DPP6: variants seen among roughly 807,000 people sequenced by gnomAD.
The protein encoded by DPP6 is A-type potassium channel modulatory protein DPP6.
A neutral mutation model predicts 122.6 loss-of-function variants in DPP6; 69 were observed. The ratio of observed to expected loss-of-function variants is 0.56; its 90% CI spans 0.46 to 0.69. The LOEUF (loss-of-function observed/expected upper bound fraction) is 0.69, where lower values mean the gene tolerates loss of function less well. Ranked by LOEUF, DPP6 falls within the 30% of genes least tolerant of loss-of-function variation. The pLI is 0.00. For synonymous variants in DPP6, 418 were observed against 433.1 expected, an observed-to-expected ratio of 0.97 and a Z score of 0.43; for missense variants, 928 against 1,116.9, an observed-to-expected ratio of 0.83 and a Z score of 2.41.
At chr7:153,837,384 GTTCTTGC>G in the DPP6 span, among the ~76,000 whole-genome samples, 1 of 152,178 alleles carries the variant, frequency 6.6e-6, no homozygotes, top group African/African-American at 2.4e-5. Flanking sequence ...CAAGGCAGAT[GTTCTTGC>G]CTCAAGCTTT....
intron 17 of DPP6, among the ~76,000 whole-genome samples, chr7:154,861,393 T>C (rs1033148831): frequency 6.6e-6 from 1 of 152,242 alleles, no homozygotes; most frequent in Non-Finnish European, 1.5e-5. Flanking sequence ...ATCTAAGTAT[T>C]GTGGCAATTT....
At chr7:154,634,620 TCTCCTC>T (rs890706036) in intron 5 of DPP6, among the ~76,000 whole-genome samples, 1 of 150,342 alleles carries the variant, frequency 6.7e-6, no homozygotes, top group Non-Finnish European at 1.5e-5. Context: ...AAAGCAGTTC[TCTCCTC>T]CTCCTCCTCC....
At chr7:154,242,005 T>C (rs771875494) in intron 1 of DPP6, among the ~76,000 whole-genome samples, 7 of 152,226 alleles carry the variant, frequency 4.6e-5, no homozygotes, top group Admixed American at 2.0e-4. Flanking sequence ...GGCAGTGTAA[T>C]AGAACACAGG....
intron 7 of DPP6, among the ~76,000 whole-genome samples, chr7:154,678,084 G>A (rs771336676): frequency 1.3e-5 from 2 of 152,050 alleles, no homozygotes; most frequent in African/African-American, 4.8e-5. Context: ...CTGTAAATAC[G>A]CACCAATCAG....
At chr7:154,137,467 G>A (rs2150651301) in intron 1 of DPP6, among the ~76,000 whole-genome samples, 1 of 151,618 alleles carries the variant, frequency 6.6e-6, no homozygotes, top group Non-Finnish European at 1.5e-5. Context: ...CCATGTATGG[G>A]GTTGAAAAAT....
intron 6 of DPP6, among the ~76,000 whole-genome samples, chr7:154,667,438 C>T (rs1024569453): frequency 1.3e-4 from 20 of 152,148 alleles, no homozygotes; most frequent in African/African-American, 4.8e-4. Flanking sequence ...TCATAACATA[C>T]AAATGTTGGC....
At chr7:154,002,233 A>T (rs902281515) in intron 1 of DPP6, among the ~76,000 whole-genome samples, 1 of 151,918 alleles carries the variant, frequency 6.6e-6, no homozygotes, top group Non-Finnish European at 1.5e-5. Context: ...GTATTTTTGT[A>T]TCCTACGGAC....
intron 1 of DPP6, among the ~76,000 whole-genome samples, chr7:154,226,277 A>G (rs1800595836): frequency 1.3e-5 from 2 of 151,962 alleles, no homozygotes; most frequent in Admixed American, 6.5e-5. Flanking sequence ...CAATGAAACT[A>G]GAAACCATTT....
In DPP6 at chr7:154,255,427, A is replaced by G. The variant is rs1453417788; in HGVS notation, c.244-190787A>G. ...CAGTGTGGAGAGGAAGCGCCAGTGA[A>G]ATGTGAAATTTGGAGAGGCTGAGCC... On this transcript the variant is annotated intron_variant, in intron 1 of 25. Transcript: ENST00000377770. Among the ~76,000 whole-genome samples the G allele has an allele frequency of 2.0e-5, 3 of 152,214 alleles. No homozygotes were observed. In the East Asian group the frequency reaches 5.8e-4, roughly 29 times the overall value.
chr7:153,794,564 C>CT, the DPP6 span, among the ~76,000 whole-genome samples: 1 of 152,086 alleles, frequency 6.6e-6, no homozygotes, highest in Admixed American at 6.5e-5. Flanking sequence ...TCAGATGAGA[C>CT]TTTGGACTGT....
chr7:154,569,652 A>C (rs1234140920), intron 5 of DPP6, among the ~76,000 whole-genome samples: 2 of 151,938 alleles, frequency 1.3e-5, no homozygotes, highest in African/African-American at 4.8e-5. Flanking sequence ...CCAACTGTCC[A>C]ATTACTAGAT....
rs564876630 is a variant in DPP6, at chr7:154,393,013, C to A, written c.244-53201C>A. On this transcript the variant is annotated intron_variant, in intron 1 of 25. Transcript: ENST00000377770. ...AGAAGAAAATACATCTAGATTTAAA[C>A]CCTGGAATTAGACTGGCTTGATGCT... 5.3e-5 allele frequency among the ~76,000 whole-genome samples: 8 copies of A among 152,318 alleles called. No individual in the cohort carries two copies. The South Asian group carries it at 1.7e-3, about 32-fold the overall frequency.
intron 7 of DPP6, among the ~76,000 whole-genome samples, chr7:154,713,710 A>G (rs887069322): frequency 1.3e-5 from 2 of 152,216 alleles, no homozygotes; most frequent in Non-Finnish European, 2.9e-5. Flanking sequence ...GGTCCAGGCC[A>G]GGAAAACTAT....
chr7:154,158,776 C>A (rs1395498133), intron 1 of DPP6, among the ~76,000 whole-genome samples: 1 of 151,948 alleles, frequency 6.6e-6, no homozygotes, highest in Admixed American at 6.6e-5. Context: ...TGAGGACTCT[C>A]CTATTTGATG....
intron 4 of DPP6, among the ~76,000 whole-genome samples, chr7:154,558,564 C>A (rs889800920): frequency 3.9e-5 from 6 of 152,112 alleles, no homozygotes; most frequent in Admixed American, 6.5e-5. Context: ...TTTATTGTAT[C>A]TTTTTTATGT....
At chr7:154,738,636 T>G (rs1429010379) in intron 8 of DPP6, among the ~76,000 whole-genome samples, 1 of 152,224 alleles carries the variant, frequency 6.6e-6, no homozygotes, top group Non-Finnish European at 1.5e-5. Flanking sequence ...ATTCTGCTTT[T>G]GGAATATTTA....
chr7:154,471,219 C>G (rs981398602), intron 2 of DPP6, among the ~76,000 whole-genome samples: 11 of 152,144 alleles, frequency 7.2e-5, no homozygotes, highest in African/African-American at 2.4e-4. Context: ...CCACCACACT[C>G]CCGCCTGGGT....
chr7:154,310,950 AAG>A (rs1335183694), intron 1 of DPP6, among the ~76,000 whole-genome samples: 1 of 152,148 alleles, frequency 6.6e-6, no homozygotes, highest in African/African-American at 2.4e-5. Flanking sequence ...GTCATTGAGA[AAG>A]AGAGGGCAGA....
chr7:154,095,825 C>T (rs1368355523), intron 1 of DPP6: 1 of 128,400 alleles, frequency 7.8e-6, no homozygotes, highest in South Asian at 2.8e-4. Flanking sequence ...GGGCTGTGCT[C>T]GATAGCACAG....
Sources: gnomAD v4.1 joint callset for allele counts (sites outside exome capture counted in the v4.1 genomes callset) on GRCh38, gnomAD v4.1.1 for gene constraint, MANE v1.5 for transcripts, NCBI Gene and HGNC (gene_info 2026-07-23, HGNC 2026-07-21) for gene names.